TRPM7: variants seen among roughly 807,000 people sequenced by gnomAD.
TRPM7 encodes the protein LTRPC ion channel family member 7.
A neutral mutation model predicts 229.7 loss-of-function variants in TRPM7; 134 were observed. That is an observed-to-expected ratio of 0.58 (90% CI 0.51 to 0.67). The LOEUF is 0.67. Ranked by LOEUF, TRPM7 falls within the 30% of genes least tolerant of loss-of-function variation. The pLI is 0.00. For missense variants in TRPM7, 1,901 were observed against 2,210.0 expected (o/e 0.86, Z 2.80); for synonymous variants, 699 against 715.2 (o/e 0.98, Z 0.36).
chr15:50,668,003 GTT>G (rs1203764239), intron 1 of TRPM7, among the ~76,000 whole-genome samples: 1 of 152,130 alleles, frequency 6.6e-6, no homozygotes, highest in Non-Finnish European at 1.5e-5. Context: ...TGATTATTAT[GTT>G]AAATTATTGT....
chr15:50,561,625 C>T lies in TRPM7; in HGVS notation c.*53G>A. The T allele has an allele frequency of 6.3e-7, 1 of 1,588,512 alleles. No individual in the cohort carries two copies. Among genetic ancestry groups the T allele is most frequent in the Admixed American group, 1.9e-5 (1 of 52,370 alleles). Reference sequence around the variant, plus strand: ...ATTTCCTCCCGAGGGAAAAGTGACACAGTAACATTTCTGTGAGGTGCAGGC... The same window carrying T: ...ATTTCCTCCCGAGGGAAAAGTGACATAGTAACATTTCTGTGAGGTGCAGGC... On this transcript the variant is annotated 3_prime_UTR_variant, in exon 39 of 39. Coordinates refer to ENST00000646667, the MANE Select transcript of TRPM7 (RefSeq NM_017672.6).
chr15:50,624,926 T>C (rs1252656888), intron 11 of TRPM7, among the ~76,000 whole-genome samples: 1 of 152,208 alleles, frequency 6.6e-6, no homozygotes, highest in African/African-American at 2.4e-5. Context: ...TTCAGAACTT[T>C]AAAAGAAATC....
chr15:50,576,042 G>A, intron 31 of TRPM7, 123 bp from the exon 32 acceptor site: 1 of 923,038 alleles, frequency 1.1e-6, no homozygotes, highest in Non-Finnish European at 1.6e-6. Context: ...CACAAAAACA[G>A]AAAAATTAGG....
chr15:50,631,413 T>C lies in TRPM7; in HGVS notation c.1204+4A>G. 6.3e-7 allele frequency: 1 copy of C among 1,597,570 alleles called. No homozygotes were observed. The highest frequency in any genetic ancestry group is 2.2e-5 in the East Asian group (1 of 44,664). ...TACAAATAAAAAAGTTCTTAGAGGC[T>C]TACCTTTTAGCAGTGCAGTAAGTAT... On this transcript the variant is annotated splice_donor_region_variant and intron_variant, in intron 10 of 38. Coordinates refer to ENST00000646667, the MANE Select transcript of TRPM7 (RefSeq NM_017672.6).
At chr15:50,636,156 A>C (rs2060899815) in intron 7 of TRPM7, among the ~76,000 whole-genome samples, 1 of 151,846 alleles carries the variant, frequency 6.6e-6, no homozygotes, top group Admixed American at 6.6e-5. Flanking sequence ...GGAAAAAAAA[A>C]AGGTATCTGT....
chr15:50,587,897 AT>A (rs2059383812), intron 27 of TRPM7, among the ~76,000 whole-genome samples: 1 of 152,192 alleles, frequency 6.6e-6, no homozygotes, highest in Non-Finnish European at 1.5e-5. Context: ...GGCAATAATT[AT>A]AAAACCAATT....
At position 50,586,482 on chromosome 15, in the gene TRPM7, T is replaced by C. The variant is rs752098120; in HGVS notation, c.4396A>G (p.Asn1466Asp). 33 of 1,604,238 alleles carry C rather than the reference T, an allele frequency of 2.1e-5. 1 individual carries two copies. The highest frequency in any genetic ancestry group is 2.6e-5 in the Non-Finnish European group (30 of 1,171,570). Residue 1466 changes from asparagine (N) to aspartate (D), a missense_variant, in exon 28 of 39, where the codon AAT becomes GAT. Physicochemically the swap from Asn to Asp is conservative, Grantham distance 23 (BLOSUM62 1). This residue lies in a region of TRPM7 where 533 missense variants were observed against 497.1 expected (regional missense o/e 1.07). Transcript: ENST00000646667. ...SNKIKILSNN[N>D]TSENTLKRVS... Reference sequence around the variant, plus strand: ...CGTTTCAAAGTGTTTTCAGAAGTATTGTTATTCTGCAAATATTGTGCAGAC... The same window carrying C: ...CGTTTCAAAGTGTTTTCAGAAGTATCGTTATTCTGCAAATATTGTGCAGAC...
rs1048003443 is a variant in TRPM7 at position 50,583,176 on chromosome 15, A to G, written c.4487-17T>C. ...TTTTTTCTGCTAAAAGAAAATTAAA[A>G]AATATAAAAAAGCTACACAACTGAA... On this transcript the variant is annotated splice_polypyrimidine_tract_variant and intron_variant, in intron 28 of 38. Coordinates refer to ENST00000646667, the MANE Select transcript of TRPM7 (RefSeq NM_017672.6). 1.3e-6 allele frequency: 2 copies of G among 1,576,342 alleles called. No homozygotes were observed. Among genetic ancestry groups the G allele is most frequent in the Non-Finnish European group, 1.7e-6 (2 of 1,157,640 alleles).
rs1353785943 is a variant in TRPM7, at chr15:50,568,168, G to A, written c.5467+1719C>T. Among the ~76,000 whole-genome samples the A allele has an allele frequency of 2.9e-5, 4 of 135,778 alleles. No homozygotes were observed. The South Asian group carries it at 7.2e-4, about 24-fold the overall frequency. The allele number at this position is 135,778 out of a possible 152,430, so 89.1% of individuals were successfully genotyped here. A position where few individuals can be genotyped will look rare whatever the true frequency, so the allele number is the denominator to read the frequency against. The stretch of plus-strand genomic sequence containing the variant: ...AAGGAAATTTCTTCAGCCTCATAAA[G>A]TGCATCTACAAAATCCTTAAAGTTA... On this transcript the variant is annotated intron_variant, in intron 38 of 38. Coordinates refer to ENST00000646667, the MANE Select transcript of TRPM7 (RefSeq NM_017672.6).
At chr15:50,593,545 C>T in intron 25 of TRPM7, 72 bp downstream of exon 25, 1 of 1,442,306 alleles carries the variant, frequency 6.9e-7, no homozygotes, top group Middle Eastern at 2.2e-4. Context: ...TTAACAATGA[C>T]CATGTATAAG....
At chr15:50,635,038 C>T (rs1321258743) in intron 7 of TRPM7, among the ~76,000 whole-genome samples, 1 of 152,026 alleles carries the variant, frequency 6.6e-6, no homozygotes, top group Non-Finnish European at 1.5e-5. Context: ...ACAGTCTTGG[C>T]CGGGCGTGGT....
At chr15:50,677,374 GGGGAGCGA>G (rs2062116175) in intron 1 of TRPM7, among the ~76,000 whole-genome samples, 1 of 149,674 alleles carries the variant, frequency 6.7e-6, no homozygotes, top group African/African-American at 2.5e-5. Context: ...ATGAATTCTC[GGGGAGCGA>G]GGGAGATCAC....
chr15:50,667,524 T>C (rs552830831), intron 1 of TRPM7, among the ~76,000 whole-genome samples: 3 of 152,238 alleles, frequency 2.0e-5, no homozygotes, highest in East Asian at 1.9e-4. Flanking sequence ...CTGGCCGACA[T>C]GTAAAACCCC....
At chr15:50,593,818 T>C (rs1292330795) in intron 24 of TRPM7, 69 bp from the exon 25 acceptor site, 1 of 1,476,568 alleles carries the variant, frequency 6.8e-7, no homozygotes, top group Non-Finnish European at 9.1e-7. Flanking sequence ...TCATAATTCT[T>C]ACGAATTATT....
At chr15:50,567,850 A>T (rs2053673814) in intron 38 of TRPM7, among the ~76,000 whole-genome samples, 1 of 152,156 alleles carries the variant, frequency 6.6e-6, no homozygotes, top group Non-Finnish European at 1.5e-5. Flanking sequence ...GCACTTTGGG[A>T]GGCCGAGGCA....
At chr15:50,660,348 T>C (rs895349892) in intron 2 of TRPM7, among the ~76,000 whole-genome samples, 1 of 152,084 alleles carries the variant, frequency 6.6e-6, no homozygotes, top group African/African-American at 2.4e-5. Flanking sequence ...TTAAAATATA[T>C]ACTATTATAA....
At chr15:50,684,282 A>G (rs2062310059) in intron 1 of TRPM7, among the ~76,000 whole-genome samples, 1 of 151,880 alleles carries the variant, frequency 6.6e-6, no homozygotes, top group African/African-American at 2.4e-5. Context: ...CCTCCTGAGT[A>G]GCTAGGATTA....
chr15:50,627,315 A>G (rs2060590867), intron 11 of TRPM7, among the ~76,000 whole-genome samples: 1 of 152,132 alleles, frequency 6.6e-6, no homozygotes, highest in African/African-American at 2.4e-5. Context: ...GTTTAGGGGG[A>G]TGCTATTAAA....
chr15:50,567,538 A>G (rs2053656313), intron 38 of TRPM7, among the ~76,000 whole-genome samples: 1 of 152,166 alleles, frequency 6.6e-6, no homozygotes, highest in African/African-American at 2.4e-5. Flanking sequence ...CCACAGACCA[A>G]TATTCTTCAT....
Sources: allele counts gnomAD v4.1 joint callset (sites outside exome capture counted in the v4.1 genomes callset), GRCh38; gene constraint gnomAD v4.1.1; regional missense constraint gnomAD v4.1.1; transcripts MANE v1.5; gene names NCBI Gene and HGNC (gene_info 2026-07-23, HGNC 2026-07-21).